DNAH5: variants seen among roughly 807,000 people sequenced by gnomAD.
DNAH5 encodes the protein dynein axonemal heavy chain 5, also known as axonemal beta dynein heavy chain 5.
A neutral mutation model predicts 518.2 loss-of-function variants in DNAH5; 372 were observed. The ratio of observed to expected loss-of-function variants is 0.72; its 90% confidence interval spans 0.66 to 0.78. DNAH5 has a LOEUF of 0.78. Ranked by LOEUF, DNAH5 falls within the 30% of genes least tolerant of loss-of-function variation. The pLI is 0.00. For missense variants in DNAH5, 5,523 were observed against 5,687.0 expected (o/e 0.97, Z 0.93); for synonymous variants, 2,039 against 2,025.9 (o/e 1.01, Z -0.17).
At chr5:13,729,386 T>A in intron 69 of DNAH5, 53 bp downstream of exon 69, 1 of 1,610,994 alleles carries the variant, frequency 6.2e-7, no homozygotes, top group Non-Finnish European at 8.5e-7. Flanking sequence ...TAGTGATAAA[T>A]CAGAAAGCTG....
chr5:13,768,575 C>G (rs934664028), intron 58 of DNAH5, among the ~76,000 whole-genome samples: 1 of 152,170 alleles, frequency 6.6e-6, no homozygotes. Flanking sequence ...AATTCATAGA[C>G]AGAAAACGTC....
Position 13,913,816 on chromosome 5 carries a change from G to C in DNAH5, c.1463C>G (p.Thr488Arg), listed in dbSNP as rs751526615. Residue 488 changes from threonine (T) to arginine (R), a missense_variant, in exon 11 of 79, where the codon ACA (threonine) becomes AGA (arginine). Physicochemically the swap from Thr to Arg is moderately conservative, Grantham distance 71. Coordinates refer to ENST00000265104, the MANE Select transcript of DNAH5 (RefSeq NM_001369.3). ...CAGGACTGAATACGTCTTGAGGGTTGTAAAGATGTCTATTATCTTGGCAAG... is the reference window on the plus strand; with the variant it reads ...CAGGACTGAATACGTCTTGAGGGTTCTAAAGATGTCTATTATCTTGGCAAG... ...RRLAKIIDIF[T>R]TLKTYSVLQD... is the part of the protein sequence containing the mutation. The C allele has an allele frequency of 2.0e-5, 33 of 1,613,626 alleles. No individual in the cohort carries two copies. Among genetic ancestry groups the C allele is most frequent in the South Asian group, 3.3e-5 (3 of 91,070 alleles).
intron 71 of DNAH5, among the ~76,000 whole-genome samples, chr5:13,720,766 T>C (rs1744941647): frequency 3.3e-5 from 5 of 152,156 alleles, no homozygotes; most frequent in Admixed American, 2.6e-4. Flanking sequence ...AAATGTTTTG[T>C]TTTCATCTAA....
chr5:13,868,051 G>A (rs1372975074), intron 24 of DNAH5, 59 bp from the exon 25 acceptor site: 3 of 1,203,684 alleles, frequency 2.5e-6, no homozygotes, highest in Admixed American at 1.8e-5. Flanking sequence ...TCTACACACA[G>A]CCATTTATTA....
intron 66 of DNAH5, among the ~76,000 whole-genome samples, chr5:13,736,852 A>T (rs1233665107): frequency 6.6e-6 from 1 of 152,202 alleles, no homozygotes; most frequent in Non-Finnish European, 1.5e-5. Context: ...CTCCCAAGAG[A>T]CCACAGAACT....
rs111621451 is a variant in DNAH5, at chr5:13,853,586, G to A, written c.4951-2771C>T. 2.0e-3 allele frequency among the ~76,000 whole-genome samples: 303 copies of A among 152,144 alleles called. 2 individuals carry two copies. The highest frequency in any genetic ancestry group is 6.8e-3 in the African/African-American group (282 of 41,506). On this transcript the variant is annotated intron_variant, in intron 30 of 78. Coordinates refer to ENST00000265104, the MANE Select transcript of DNAH5 (RefSeq NM_001369.3). ...TAACAAACTCCTCCAAGCTAAAGGA[G>A]CATGTTCTAACCCAATATAAGGAAG...
chr5:13,982,724 G>GAGTAGACATATGCACTATTGCATGAA (rs1782777475), intron 1 of DNAH5, among the ~76,000 whole-genome samples: 2 of 70,228 alleles, frequency 2.8e-5, no homozygotes, highest in Non-Finnish European at 6.0e-5. Flanking sequence ...TATTGCATGA[G>GAGTAGACATATGCACTATTGCATGAA]TGAGTAGACA....
intron 76 of DNAH5, among the ~76,000 whole-genome samples, chr5:13,705,464 T>C (rs553449949): frequency 7.5e-4 from 114 of 152,318 alleles, no homozygotes; most frequent in African/African-American, 2.5e-3. Flanking sequence ...ATATATAATT[T>C]TTGTCAAGTA....
chr5:13,842,441 A>AG (rs1765349629), intron 32 of DNAH5, among the ~76,000 whole-genome samples: 10 of 102,064 alleles, frequency 9.8e-5, no homozygotes, highest in African/African-American at 3.9e-4. Flanking sequence ...GAAAGAAAGA[A>AG]AGAAAGAAAG....
Position 13,867,703 on chromosome 5 carries a change from T to C in DNAH5, c.4053+71A>G, listed in dbSNP as rs1257959689. On this transcript the variant is annotated intron_variant, in intron 25 of 78. Transcript: ENST00000265104. ...TTCACAGAAATTTACCCATAATTTT[T>C]AGACAACTACATTTTGCATGTTGTA... The C allele has an allele frequency of 6.6e-6, 8 of 1,212,650 alleles. No homozygotes were observed. The East Asian group carries it at 7.0e-5, about 11-fold the overall frequency. The allele number at this position is 1,212,650 out of a possible 1,614,324, so 75.1% of individuals were successfully genotyped here.
In DNAH5 at chr5:13,811,746, A is replaced by G. The variant is rs2127027025; in HGVS notation, c.7308T>C (p.Tyr2436=). The part of the protein sequence containing the change: ...QLYTESFPDL[Y]RFCIQNLEYK... ...ATTCTAAGTTCTGGATACAGAAGCGATACAAGTCTGGGAAAGACTCGGTGT... is the reference window on the plus strand; with the variant it reads ...ATTCTAAGTTCTGGATACAGAAGCGGTACAAGTCTGGGAAAGACTCGGTGT... Residue 2436 remains tyrosine (Y), a synonymous_variant, in exon 44 of 79, where the codon TAT becomes TAC. Transcript: ENST00000265104. 6.2e-7 allele frequency: 1 copy of G among 1,614,192 alleles called. No individual in the cohort carries two copies. Among genetic ancestry groups the G allele is most frequent in the East Asian group, 2.2e-5 (1 of 44,872 alleles).
intron 35 of DNAH5, 78 bp from the exon 36 acceptor site, chr5:13,830,853 C>T (rs908634898): frequency 2.9e-5 from 41 of 1,432,040 alleles, no homozygotes; most frequent in South Asian, 2.3e-4. Context: ...TGGCATGAAA[C>T]GCACACAAGA....
At chr5:13,830,248 T>G (rs1459522614) in intron 36 of DNAH5, 35 bp from the exon 37 acceptor site, 1 of 1,581,490 alleles carries the variant, frequency 6.3e-7, no homozygotes, top group African/African-American at 1.4e-5. Flanking sequence ...ATCCAATTAG[T>G]ATATAATTTT....
intron 18 of DNAH5, among the ~76,000 whole-genome samples, chr5:13,885,729 T>G (rs1461128547): frequency 6.6e-6 from 1 of 152,174 alleles, no homozygotes; most frequent in Non-Finnish European, 1.5e-5. Flanking sequence ...CAAAGAAAGC[T>G]AACCAGGGCC....
chr5:13,719,193 T>A, intron 71 of DNAH5, 92 bp from the exon 72 acceptor site: 1 of 1,051,910 alleles, frequency 9.5e-7, no homozygotes, highest in Non-Finnish European at 1.4e-6. Flanking sequence ...AATTAAAATT[T>A]AATAGGAAAA....
At chr5:13,839,933 CTA>C (rs1465639595) in intron 34 of DNAH5, among the ~76,000 whole-genome samples, 3 of 152,172 alleles carry the variant, frequency 2.0e-5, no homozygotes, top group African/African-American at 4.8e-5. Context: ...TCTCTTAAGA[CTA>C]TAACAAAGTA....
chr5:13,912,662 A>G (rs1338525154), intron 11 of DNAH5, among the ~76,000 whole-genome samples: 2 of 151,512 alleles, frequency 1.3e-5, no homozygotes, highest in African/African-American at 4.8e-5. Context: ...ATACATATAT[A>G]CACACACATA....
chr5:13,791,545 T>A (rs945790938), intron 50 of DNAH5, among the ~76,000 whole-genome samples: 4 of 152,184 alleles, frequency 2.6e-5, no homozygotes, highest in African/African-American at 9.7e-5. Context: ...AAATCATAGA[T>A]GATTATCAAC....
chr5:13,745,112 C>T (rs530475727), intron 65 of DNAH5, among the ~76,000 whole-genome samples: 3 of 152,192 alleles, frequency 2.0e-5, no homozygotes, highest in African/African-American at 7.2e-5. Context: ...ATTGTGTGAC[C>T]AGCAGGAGCT....
Sources: allele counts gnomAD v4.1 joint callset (sites outside exome capture counted in the v4.1 genomes callset), GRCh38; gene constraint gnomAD v4.1.1; transcripts MANE v1.5; gene names NCBI Gene and HGNC (gene_info 2026-07-23, HGNC 2026-07-21).